Variants in PLXDC2 observed in about 807,000 individuals in gnomAD.
PLXDC2 encodes plexin domain-containing protein 2.
A neutral mutation model predicts 68.9 loss-of-function variants in PLXDC2; 40 were observed. The observed-to-expected ratio is 0.58, with a 90% CI of 0.45 to 0.76. The LOEUF (loss-of-function observed/expected upper bound fraction) is 0.76, where lower values mean the gene tolerates loss of function less well. PLXDC2 is among the 30% of genes least tolerant of loss of function. The pLI is 0.00. For missense variants in PLXDC2, 644 were observed against 661.9 expected (o/e 0.97, Z 0.30); for synonymous variants, 243 against 234.2 (o/e 1.04, Z -0.34).
chr10:20,013,462 T>C (rs1343583705), intron 2 of PLXDC2, among the ~76,000 whole-genome samples: 1 of 152,212 alleles, frequency 6.6e-6, no homozygotes, highest in Non-Finnish European at 1.5e-5. Flanking sequence ...AAAATTTTTA[T>C]AATTTTCAAA....
In PLXDC2 at chr10:19,856,530, A is replaced by G. The variant is rs948851532; in HGVS notation, c.112+39339A>G. ...GATGGGCATTGAGAACTTTCTCCAA[A>G]AAGTTCACGTTGAGTTTGAGAAGCA... is the stretch of plus-strand genomic sequence containing the variant. On this transcript the variant is annotated intron_variant, in intron 1 of 13. Transcript: ENST00000377252. Among the ~76,000 whole-genome samples the G allele has an allele frequency of 2.6e-5, 4 of 152,110 alleles. 1 individual carries two copies. Among genetic ancestry groups the G allele is most frequent in the Middle Eastern group, 6.3e-3 (2 of 316 alleles).
chr10:20,184,287 A>G (rs1393374404), intron 9 of PLXDC2, among the ~76,000 whole-genome samples: 2 of 150,626 alleles, frequency 1.3e-5, no homozygotes, highest in Admixed American at 1.3e-4. Flanking sequence ...TATTTCATAA[A>G]TTAATTGATT....
At chr10:20,249,056 T>C (rs1835636945) in intron 13 of PLXDC2, among the ~76,000 whole-genome samples, 1 of 152,344 alleles carries the variant, frequency 6.6e-6, no homozygotes. Flanking sequence ...GTACATAATT[T>C]GATGTTTGCC....
chr10:20,083,893 G>T (rs760152847), intron 4 of PLXDC2, among the ~76,000 whole-genome samples: 27 of 152,118 alleles, frequency 1.8e-4, no homozygotes, highest in Non-Finnish European at 3.5e-4. Context: ...GTGAAAGAAG[G>T]ACAGAAAAAA....
chr10:20,062,007 A>G (rs1477908443), intron 3 of PLXDC2, among the ~76,000 whole-genome samples: 1 of 152,208 alleles, frequency 6.6e-6, no homozygotes, highest in African/African-American at 2.4e-5. Context: ...TGTACACAGC[A>G]TATTGTTATA....
chr10:19,869,976 C>T (rs1837503083), intron 1 of PLXDC2, among the ~76,000 whole-genome samples: 1 of 152,114 alleles, frequency 6.6e-6, no homozygotes, highest in South Asian at 2.1e-4. Context: ...TAAAAGCACT[C>T]TATGGGGGTT....
chr10:20,049,467 T>G (rs920137905), intron 3 of PLXDC2, among the ~76,000 whole-genome samples: 2 of 152,056 alleles, frequency 1.3e-5, no homozygotes, highest in Non-Finnish European at 2.9e-5. Flanking sequence ...AACCCCATAG[T>G]CTAGGCCCAA....
chr10:19,916,139 T>G (rs946070521), intron 1 of PLXDC2, among the ~76,000 whole-genome samples: 100 of 149,514 alleles, frequency 6.7e-4, no homozygotes, highest in African/African-American at 2.3e-3. Flanking sequence ...TTGTTTTGTT[T>G]TTTTTTTTTA....
At chr10:19,833,170 AGT>A (rs1413623636) in intron 1 of PLXDC2, among the ~76,000 whole-genome samples, 1 of 152,226 alleles carries the variant, frequency 6.6e-6, no homozygotes, top group Non-Finnish European at 1.5e-5. Flanking sequence ...AATCTCATTA[AGT>A]GTTGGTTATT....
At chr10:20,136,891 G>T (rs752923251) in intron 4 of PLXDC2, among the ~76,000 whole-genome samples, 1 of 152,134 alleles carries the variant, frequency 6.6e-6, no homozygotes, top group Non-Finnish European at 1.5e-5. Flanking sequence ...GCTTCTTTGT[G>T]CATCCTTTAT....
intron 12 of PLXDC2, among the ~76,000 whole-genome samples, chr10:20,237,908 C>A (rs1242812334): frequency 2.6e-5 from 4 of 152,046 alleles, no homozygotes; most frequent in Non-Finnish European, 4.4e-5. Flanking sequence ...AAATTTCAGA[C>A]AAAGAATATT....
intron 4 of PLXDC2, among the ~76,000 whole-genome samples, chr10:20,137,768 G>T (rs1017133661): frequency 3.3e-5 from 5 of 152,246 alleles, no homozygotes; most frequent in Non-Finnish European, 5.9e-5. Flanking sequence ...GGCCAGGGCC[G>T]TTGTCTGTGT....
At chr10:20,164,094 C>T (rs2131814475) in intron 6 of PLXDC2, among the ~76,000 whole-genome samples, 1 of 151,882 alleles carries the variant, frequency 6.6e-6, no homozygotes, top group East Asian at 1.9e-4. Flanking sequence ...AGTTTTTTTT[C>T]AGAAAACAAA....
At chr10:20,007,555 G>A (rs576471044) in intron 2 of PLXDC2, among the ~76,000 whole-genome samples, 2 of 152,286 alleles carry the variant, frequency 1.3e-5, no homozygotes, top group Non-Finnish European at 2.9e-5. Flanking sequence ...ACTGAAGAAG[G>A]GAGGTTTTAA....
intron 1 of PLXDC2, among the ~76,000 whole-genome samples, chr10:19,971,924 TG>T (rs1404417254): frequency 6.6e-6 from 1 of 152,066 alleles, no homozygotes; most frequent in Non-Finnish European, 1.5e-5. Flanking sequence ...GGGATCTGAT[TG>T]GGCAGGGGCG....
chr10:20,097,161 A>T (rs1187470679), intron 4 of PLXDC2, among the ~76,000 whole-genome samples: 1 of 152,134 alleles, frequency 6.6e-6, no homozygotes, highest in African/African-American at 2.4e-5. Flanking sequence ...AGTTGAGAGT[A>T]TATGTAACGC....
At chr10:19,952,704 C>A (rs897365713) in intron 1 of PLXDC2, among the ~76,000 whole-genome samples, 1 of 152,138 alleles carries the variant, frequency 6.6e-6, no homozygotes, top group African/African-American at 2.4e-5. Context: ...GGATATGTAC[C>A]TATTTAAAAA....
chr10:19,982,982 AG>A (rs144876595), intron 1 of PLXDC2, among the ~76,000 whole-genome samples: 162 of 152,320 alleles, frequency 1.1e-3, no homozygotes, highest in Non-Finnish European at 1.9e-3. Context: ...ACTTCATCAT[AG>A]TCTCCAAATA....
intron 1 of PLXDC2, among the ~76,000 whole-genome samples, chr10:19,837,385 TGAGA>T (rs149222127): frequency 1.5e-3 from 206 of 139,274 alleles, no homozygotes; most frequent in Middle Eastern, 0.011. Flanking sequence ...ATTGAGTAAG[TGAGA>T]GAGAGAGAGA....
Sources: gnomAD v4.1 joint callset for allele counts (sites outside exome capture counted in the v4.1 genomes callset) on GRCh38, gnomAD v4.1.1 for gene constraint, MANE v1.5 for transcripts, NCBI Gene and HGNC (gene_info 2026-07-23, HGNC 2026-07-21) for gene names.